Variants in ZNF43 observed in about 807,000 individuals in gnomAD.
ZNF43 encodes the protein zinc finger protein 43.
In ZNF43, 44 loss-of-function variants were observed where a neutral mutation model predicts 68.4. That is an observed-to-expected ratio of 0.64 (90% CI 0.51 to 0.83). ZNF43 has a LOEUF of 0.83. Ranked by LOEUF, ZNF43 falls within the 40% of genes least tolerant of loss-of-function variation. The pLI is 0.00. For synonymous variants in ZNF43, 308 were observed against 307.8 expected, an observed-to-expected ratio of 1.00 and a Z score of -0.01; for missense variants, 896 against 933.2, an observed-to-expected ratio of 0.96 and a Z score of 0.52.
At chr19:21,812,533 C>A (rs1167734789) in intron 3 of ZNF43, among the ~76,000 whole-genome samples, 1 of 132,396 alleles carries the variant, frequency 7.6e-6, no homozygotes, top group Non-Finnish European at 1.6e-5. Flanking sequence ...TAAAAAGACA[C>A]AAAATTACAA....
At chr19:21,817,254 G>A (rs2037573247) in intron 3 of ZNF43, among the ~76,000 whole-genome samples, 1 of 148,042 alleles carries the variant, frequency 6.8e-6, no homozygotes. Context: ...GGTATCCAAA[G>A]TGATCTATAA....
chr19:21,841,899 A>C (rs140195176), intron 1 of ZNF43, among the ~76,000 whole-genome samples: 1 of 152,226 alleles, frequency 6.6e-6, no homozygotes, highest in Non-Finnish European at 1.5e-5. Flanking sequence ...TATACAATAC[A>C]CAATTCACCA....
chr19:21,851,953 A>G, exon 1 of ZNF43: 1 of 1,559,094 alleles, frequency 6.4e-7, no homozygotes, highest in Non-Finnish European at 8.7e-7. Context: ...TGCGTCTCCC[A>G]GGACTTGCAG....
intron 1 of ZNF43, among the ~76,000 whole-genome samples, chr19:21,825,328 T>C (rs562568059): frequency 1.3e-4 from 20 of 152,194 alleles, no homozygotes; most frequent in Non-Finnish European, 2.5e-4. Context: ...ATATACATTG[T>C]TAAGGTTTAA....
chr19:21,806,933 T>C lies in ZNF43; in HGVS notation c.*674A>G, dbSNP rs1305224482. On this transcript the variant is annotated 3_prime_UTR_variant, in exon 4 of 4. Coordinates refer to ENST00000354959, the MANE Select transcript of ZNF43 (RefSeq NM_003423.4). ...ACATATTTTAGTATGAACCCTGTGG[T>C]GTTTTCTATGCTGTGGTTTTTTTAA... 2 of 152,222 alleles carry C rather than the reference T, an allele frequency of 1.3e-5. No homozygotes were observed. Among genetic ancestry groups the C allele is most frequent in the Admixed American group, 1.3e-4 (2 of 15,272 alleles). The allele number at this position is 152,222 out of a possible 1,614,324, so 9.4% of individuals were successfully genotyped here.
chr19:21,827,125 T>C (rs1439683940), intron 1 of ZNF43: 1 of 152,132 alleles, frequency 6.6e-6, no homozygotes, highest in Non-Finnish European at 1.5e-5. Context: ...GCACAGCTAC[T>C]CTCAGCACAA....
chr19:21,820,245 T>TTAATATATATATA (rs2037748479), intron 1 of ZNF43, among the ~76,000 whole-genome samples: 1 of 146,684 alleles, frequency 6.8e-6, no homozygotes, highest in African/African-American at 2.5e-5. Flanking sequence ...TACATATATA[T>TTAATATATATATA]TAATATATTT....
rs984927811 is a variant in ZNF43 at position 21,809,538 on chromosome 19, T to C, written c.499A>G (p.Ser167Gly). ...KFSNSNRHKI[S>G]HTEKKLFKCK... ...TTGAAAAGTTTTTTTTCAGTATGGCTTATCTTATGTCTGTTTGAATTTGAA... is the reference window on the plus strand; with the variant it reads ...TTGAAAAGTTTTTTTTCAGTATGGCCTATCTTATGTCTGTTTGAATTTGAA... Residue 167 changes from serine (S) to glycine (G), a missense_variant, in exon 4 of 4, where the codon AGC (serine) becomes GGC (glycine). By Grantham distance (56) the Ser-to-Gly change is moderately conservative. Coordinates refer to ENST00000354959, the MANE Select transcript of ZNF43 (RefSeq NM_003423.4). 1.9e-6 allele frequency: 3 copies of C among 1,613,312 alleles called. No homozygotes were observed. The African/African-American group carries it at 4.0e-5, about 22-fold the overall frequency.
At chr19:21,843,982 T>G (rs1261289620) in intron 1 of ZNF43, among the ~76,000 whole-genome samples, 1 of 151,836 alleles carries the variant, frequency 6.6e-6, no homozygotes, top group Non-Finnish European at 1.5e-5. Flanking sequence ...GTTGCGCATA[T>G]GAGTATAACA....
At chr19:21,835,863 G>A (rs781575802) in intron 1 of ZNF43, among the ~76,000 whole-genome samples, 173 bp downstream of exon 1, 1 of 152,212 alleles carries the variant, frequency 6.6e-6, no homozygotes, top group African/African-American at 2.4e-5. Context: ...GCAGAGAAGA[G>A]ACAGGACGCC....
At chr19:21,850,417 G>A (rs746185954) in intron 1 of ZNF43, among the ~76,000 whole-genome samples, 19 of 151,942 alleles carry the variant, frequency 1.3e-4, no homozygotes, top group African/African-American at 3.4e-4. Flanking sequence ...AAAATTAGCC[G>A]GGCATGGTGG....
chr19:21,828,393 C>A (rs948611964), intron 1 of ZNF43, among the ~76,000 whole-genome samples: 13 of 151,994 alleles, frequency 8.6e-5, no homozygotes, highest in African/African-American at 2.9e-4. Context: ...TCCTGGCTAA[C>A]ACGGTGAAAC....
chr19:21,812,275 C>T (rs755029532), intron 3 of ZNF43, among the ~76,000 whole-genome samples: 1 of 152,068 alleles, frequency 6.6e-6, no homozygotes, highest in African/African-American at 2.4e-5. Context: ...TACAGGCGCG[C>T]ACCACCACGC....
chr19:21,837,586 A>C (rs1967211763), upstream of ZNF43, among the ~76,000 whole-genome samples: 1 of 151,988 alleles, frequency 6.6e-6, no homozygotes, highest in South Asian at 2.1e-4. Flanking sequence ...CCCCATGCCC[A>C]GCTAATTTTT....
At chr19:21,840,906 T>C (rs1293301404), upstream of ZNF43, 2 of 152,226 alleles carry the variant, frequency 1.3e-5, no homozygotes, top group African/African-American at 2.4e-5. Flanking sequence ...AGTTCTCACC[T>C]GCCTATGAGC....
chr19:21,832,620 A>ATGC (rs2038475618), intron 1 of ZNF43, among the ~76,000 whole-genome samples: 1 of 152,122 alleles, frequency 6.6e-6, no homozygotes, highest in African/African-American at 2.4e-5. Context: ...GCAGTGGCTC[A>ATGC]CTTTAGGAGG....
chr19:21,828,165 T>A (rs1469953395), intron 1 of ZNF43, among the ~76,000 whole-genome samples: 1 of 152,240 alleles, frequency 6.6e-6, no homozygotes, highest in Non-Finnish European at 1.5e-5. Flanking sequence ...TAGATATAAA[T>A]ATCTAAGTAT....
chr19:21,806,612 A>G lies in ZNF43; in HGVS notation c.*995T>C, dbSNP rs1027933865. The G allele has an allele frequency of 9.2e-5, 14 of 152,262 alleles. 1 individual carries two copies. The highest frequency in any genetic ancestry group is 8.5e-4 in the Admixed American group (13 of 15,284). 9.4% of individuals were successfully genotyped at this position (152,262 alleles called of 1,614,324 possible). On this transcript the variant is annotated 3_prime_UTR_variant, in exon 4 of 4. Transcript: ENST00000354959. ...TATAGCAGGAATGAAAAAAGAGCAT[A>G]AAGTTATTTGAGAGTTTAATTACAT...
chr19:21,836,231 GCCTGATTGGACGGTTTCCAGCCCAGCGTC>G, upstream of ZNF43: 1 of 1,418,704 alleles, frequency 7.0e-7, no homozygotes, highest in Non-Finnish European at 9.2e-7. Flanking sequence ...CCTGCCCCGT[GCCTGATTGGACGGTTTCCAGCCCAGCGTC>G]CCTGATTGGA....
Sources: allele counts gnomAD v4.1 joint callset (sites outside exome capture counted in the v4.1 genomes callset), GRCh38; gene constraint gnomAD v4.1.1; transcripts MANE v1.5; gene names NCBI Gene and HGNC (gene_info 2026-07-23, HGNC 2026-07-21).